SNX9: variants seen among roughly 807,000 people sequenced by gnomAD.
The protein encoded by SNX9 is sorting nexin 9, also known as sorting nexin-9.
A neutral mutation model predicts 89.4 loss-of-function variants in SNX9; 44 were observed. That is an observed-to-expected ratio of 0.49 (90% CI 0.39 to 0.63). The LOEUF is 0.63. Ranked by LOEUF, SNX9 falls within the 30% of genes least tolerant of loss-of-function variation. The pLI is 0.00. For missense variants in SNX9, 578 were observed against 736.1 expected, an observed-to-expected ratio of 0.79 and a Z score of 2.49; for synonymous variants, 236 against 247.8, an observed-to-expected ratio of 0.95 and a Z score of 0.45.
At chr6:157,868,395 G>A (rs1782311487) in intron 2 of SNX9, among the ~76,000 whole-genome samples, 1 of 152,068 alleles carries the variant, frequency 6.6e-6, no homozygotes, top group African/African-American at 2.4e-5. Context: ...TTATATAACT[G>A]GGTTTATTAT....
At chr6:157,899,669 GA>G (rs1444693333) in intron 5 of SNX9, among the ~76,000 whole-genome samples, 2 of 152,106 alleles carry the variant, frequency 1.3e-5, no homozygotes, top group Non-Finnish European at 2.9e-5. Flanking sequence ...AGCTACTCGG[GA>G]AGCTGAGGCA....
At chr6:157,942,595 G>C (rs78706103) in intron 17 of SNX9, among the ~76,000 whole-genome samples, 196 bp from the exon 18 acceptor site, 1 of 152,232 alleles carries the variant, frequency 6.6e-6, no homozygotes, top group Non-Finnish European at 1.5e-5. Context: ...GGGCCAGCTC[G>C]GGCCCCAGCG....
chr6:157,891,455 A>G (rs1782859434), intron 4 of SNX9, among the ~76,000 whole-genome samples: 1 of 152,228 alleles, frequency 6.6e-6, no homozygotes. Flanking sequence ...TAGTATACAT[A>G]GTCTTAGTAT....
At chr6:157,928,253 G>T (rs1406102472) in intron 11 of SNX9, among the ~76,000 whole-genome samples, 1 of 152,236 alleles carries the variant, frequency 6.6e-6, no homozygotes, top group Non-Finnish European at 1.5e-5. Context: ...TGGCCAGCTA[G>T]CATTAGCAAC....
chr6:157,882,071 C>T (rs1264834874), intron 4 of SNX9, among the ~76,000 whole-genome samples: 2 of 152,162 alleles, frequency 1.3e-5, no homozygotes, highest in Non-Finnish European at 2.9e-5. Context: ...TTCAAAGTTT[C>T]AAAGAACAGG....
At chr6:157,840,723 C>A (rs1781688357) in intron 1 of SNX9, among the ~76,000 whole-genome samples, 1 of 152,162 alleles carries the variant, frequency 6.6e-6, no homozygotes, top group African/African-American at 2.4e-5. Context: ...GTATCCTTCT[C>A]TATATGAGGA....
At chr6:157,923,905 A>C (rs1218469519) in intron 10 of SNX9, among the ~76,000 whole-genome samples, 1 of 152,224 alleles carries the variant, frequency 6.6e-6, no homozygotes, top group Admixed American at 6.5e-5. Flanking sequence ...TACAATCTGC[A>C]GTTGATTTTA....
At chr6:157,873,653 A>G (rs553050518) in intron 3 of SNX9, among the ~76,000 whole-genome samples, 19 of 149,622 alleles carry the variant, frequency 1.3e-4, no homozygotes, top group African/African-American at 3.9e-4. Flanking sequence ...TATATTTATA[A>G]TATGACACAT....
At chr6:157,926,649 G>A (rs374535321) in intron 10 of SNX9, among the ~76,000 whole-genome samples, 1 of 151,794 alleles carries the variant, frequency 6.6e-6, no homozygotes, top group Admixed American at 6.6e-5. Context: ...AGGCATGGTG[G>A]CATGCGCCTA....
At position 157,845,666 on chromosome 6, in the gene SNX9, A is replaced by C. The variant is rs576119331; in HGVS notation, c.13-21881A>C. Among the ~76,000 whole-genome samples the C allele has an allele frequency of 3.3e-5, 5 of 152,312 alleles. No homozygotes were observed. The East Asian group carries it at 7.7e-4, about 24-fold the overall frequency. ...GCAAAATGCAGGAGTTCAACATGCC[A>C]CATATTTTATACAAAGCATAGACGG... On this transcript the variant is annotated intron_variant, in intron 1 of 17. Transcript: ENST00000392185.
At chr6:157,892,503 G>T (rs2115159720) in intron 4 of SNX9, among the ~76,000 whole-genome samples, 1 of 151,840 alleles carries the variant, frequency 6.6e-6, no homozygotes, top group South Asian at 2.1e-4. Flanking sequence ...CAAAGAGATA[G>T]AAACAAACAT....
In SNX9 at chr6:157,941,261, TCTCTGTGC is replaced by T. The variant is rs1231005823; in HGVS notation, c.1740+296_1740+303del. 6.6e-5 allele frequency among the ~76,000 whole-genome samples: 10 copies of T among 152,220 alleles called. No homozygotes were observed. In the East Asian group the frequency reaches 1.2e-3, roughly 18 times the overall value. On this transcript the variant is annotated intron_variant, in intron 17 of 17. Transcript: ENST00000392185. ...GCAGCTCCTTCCCCCCGTCACAGCC[TCTCTGTGC>T]CTCTGTGCACCAGGAACGGTGCTGA...
At chr6:157,922,717 A>G (rs1461822120) in intron 10 of SNX9, among the ~76,000 whole-genome samples, 1 of 152,218 alleles carries the variant, frequency 6.6e-6, no homozygotes, top group East Asian at 1.9e-4. Flanking sequence ...GAATTAGACA[A>G]CATGGAGATG....
chr6:157,858,712 T>G (rs1181455982), intron 1 of SNX9, among the ~76,000 whole-genome samples: 1 of 152,198 alleles, frequency 6.6e-6, no homozygotes, highest in Non-Finnish European at 1.5e-5. Context: ...GACTCACAAT[T>G]CCACATGGCT....
chr6:157,940,776 A>G (rs1784020519), intron 16 of SNX9, 107 bp from the exon 17 acceptor site: 1 of 984,646 alleles, frequency 1.0e-6, no homozygotes, highest in East Asian at 2.5e-5. Context: ...ACAGCAGCCA[A>G]CCAGATTAGG....
rs753922114 is a variant in SNX9, at chr6:157,932,356, C to G, written c.1366+84C>G. On this transcript the variant is annotated intron_variant, in intron 13 of 17. Transcript: ENST00000392185. ...GCTTAGGATCCTGCAGACGCTAACTCCCTCCTCAGTGAAGCACCCTGGTTG... is the reference window on the plus strand; with the variant it reads ...GCTTAGGATCCTGCAGACGCTAACTGCCTCCTCAGTGAAGCACCCTGGTTG... 169 of 1,255,710 alleles carry G rather than the reference C, an allele frequency of 1.3e-4. 1 individual carries two copies. Among genetic ancestry groups the G allele is most frequent in the Non-Finnish European group, 1.9e-4 (165 of 861,130 alleles). The allele number at this position is 1,255,710 out of a possible 1,614,324, so 77.8% of individuals were successfully genotyped here.
chr6:157,835,099 A>G (rs1240683208), intron 1 of SNX9, among the ~76,000 whole-genome samples: 1 of 152,010 alleles, frequency 6.6e-6, no homozygotes, highest in Non-Finnish European at 1.5e-5. Flanking sequence ...TGCAACCTCC[A>G]CCTCCTGGGT....
In SNX9 at chr6:157,914,236, G is replaced by C. The variant is rs999801550; in HGVS notation, c.949+4211G>C. 2.0e-5 allele frequency among the ~76,000 whole-genome samples: 3 copies of C among 152,194 alleles called. No homozygotes were observed. In the Middle Eastern group the frequency reaches 0.01, roughly 518 times the overall value. On this transcript the variant is annotated intron_variant, in intron 9 of 17. Transcript: ENST00000392185. The stretch of plus-strand genomic sequence containing the variant: ...AGCATGGTTTTGATTTGCATTTCCT[G>C]ATGGCGAGTGGGGTTGAGCATCTCT...
chr6:157,878,317 C>T (rs980510429), intron 4 of SNX9, among the ~76,000 whole-genome samples: 1 of 152,008 alleles, frequency 6.6e-6, no homozygotes, highest in African/African-American at 2.4e-5. Context: ...ATGAGTTGTT[C>T]TTTAAATGGA....
Sources: allele counts gnomAD v4.1 joint callset (sites outside exome capture counted in the v4.1 genomes callset), GRCh38; gene constraint gnomAD v4.1.1; transcripts MANE v1.5; gene names NCBI Gene and HGNC (gene_info 2026-07-23, HGNC 2026-07-21).